Variants in TRAPPC9 observed in about 807,000 individuals in gnomAD.
TRAPPC9 encodes IKK2 binding protein.
A neutral mutation model predicts 124.0 loss-of-function variants in TRAPPC9; 83 were observed. The ratio of observed to expected loss-of-function variants is 0.67; its 90% CI spans 0.56 to 0.80. TRAPPC9 has a LOEUF of 0.80. Ranked by LOEUF, TRAPPC9 falls within the 30% of genes least tolerant of loss-of-function variation. The pLI is 0.00. For missense variants in TRAPPC9, 1,302 were observed against 1,508.3 expected, an observed-to-expected ratio of 0.86 and a Z score of 2.27; for synonymous variants, 638 against 617.5, an observed-to-expected ratio of 1.03 and a Z score of -0.49.
intron 19 of TRAPPC9, among the ~76,000 whole-genome samples, chr8:139,948,248 AAC>A (rs141771160): frequency 0.086 from 12,364 of 144,276 alleles, 512 homozygotes; most frequent in African/African-American, 0.091. Flanking sequence ...TGGTTCATAA[AAC>A]ACACACACAC....
chr8:140,128,639 G>A (rs2061141473), intron 17 of TRAPPC9, among the ~76,000 whole-genome samples: 1 of 152,236 alleles, frequency 6.6e-6, no homozygotes, highest in Non-Finnish European at 1.5e-5. Flanking sequence ...ATCCCGTGGG[G>A]TGGGGATTAT....
chr8:139,929,936 C>T (rs543143455), intron 19 of TRAPPC9, among the ~76,000 whole-genome samples: 16 of 152,248 alleles, frequency 1.1e-4, no homozygotes, highest in Non-Finnish European at 2.9e-5. Flanking sequence ...ATGGAGCAAG[C>T]ACCACCTTGT....
intron 21 of TRAPPC9, among the ~76,000 whole-genome samples, chr8:139,751,839 C>T (rs1819329290): frequency 1.3e-5 from 2 of 151,716 alleles, no homozygotes; most frequent in African/African-American, 2.4e-5. Flanking sequence ...TTATCATCCA[C>T]CTATCTATCC....
chr8:139,899,399 T>C (rs1266306593), intron 20 of TRAPPC9, among the ~76,000 whole-genome samples: 2 of 152,154 alleles, frequency 1.3e-5, no homozygotes, highest in African/African-American at 2.4e-5. Context: ...AAAGAAAATA[T>C]TAAGAAAATC....
At chr8:140,316,917 G>T (rs1216706135) in intron 9 of TRAPPC9, among the ~76,000 whole-genome samples, 2 of 152,164 alleles carry the variant, frequency 1.3e-5, no homozygotes, top group Non-Finnish European at 2.9e-5. Context: ...TGGTCGTTCA[G>T]ATTTTCTATT....
chr8:140,329,821 C>T (rs2131993184), intron 9 of TRAPPC9, among the ~76,000 whole-genome samples: 1 of 152,262 alleles, frequency 6.6e-6, no homozygotes, highest in East Asian at 1.9e-4. Context: ...TGGCTCACAC[C>T]TGTAATCATA....
At chr8:139,925,228 C>A (rs1832737792) in intron 19 of TRAPPC9, among the ~76,000 whole-genome samples, 1 of 152,188 alleles carries the variant, frequency 6.6e-6, no homozygotes, top group Admixed American at 6.5e-5. Flanking sequence ...AAAAAATGCC[C>A]TGTTACAGAG....
At chr8:139,752,821 TCCAC>T (rs1194777770) in intron 21 of TRAPPC9, among the ~76,000 whole-genome samples, 1 of 146,774 alleles carries the variant, frequency 6.8e-6, no homozygotes, top group Non-Finnish European at 1.5e-5. Context: ...CCACCATCCA[TCCAC>T]CATCTACCCA....
chr8:139,860,581 A>G (rs1828065702), intron 21 of TRAPPC9, among the ~76,000 whole-genome samples: 1 of 151,944 alleles, frequency 6.6e-6, no homozygotes, highest in Admixed American at 6.5e-5. Context: ...CCAGGCCTGG[A>G]GCTCAAGGCT....
intron 20 of TRAPPC9, among the ~76,000 whole-genome samples, chr8:139,908,311 C>T (rs1014622359): frequency 7.9e-5 from 12 of 152,208 alleles, no homozygotes; most frequent in Non-Finnish European, 2.9e-5. Context: ...TCAGACCCAT[C>T]CAGGACCGCC....
intron 17 of TRAPPC9, among the ~76,000 whole-genome samples, chr8:140,086,330 C>T (rs180914718): frequency 6.8e-4 from 104 of 152,258 alleles, no homozygotes; most frequent in Non-Finnish European, 1.1e-3. Context: ...CAAGAAGAGA[C>T]AGAAGAAGCG....
intron 19 of TRAPPC9, chr8:139,916,701 T>C (rs998881979): frequency 6.6e-6 from 1 of 152,234 alleles, no homozygotes; most frequent in Non-Finnish European, 1.5e-5. Context: ...GGTGCTGTGA[T>C]TTTTGAAGAG....
At chr8:140,214,262 T>C (rs575532046) in intron 17 of TRAPPC9, among the ~76,000 whole-genome samples, 5 of 152,240 alleles carry the variant, frequency 3.3e-5, no homozygotes, top group African/African-American at 1.2e-4. Flanking sequence ...ACTCAGAGGG[T>C]AGACACCAGC....
chr8:140,000,815 A>T (rs1838340436), intron 18 of TRAPPC9, among the ~76,000 whole-genome samples: 1 of 152,214 alleles, frequency 6.6e-6, no homozygotes, highest in Admixed American at 6.5e-5. Flanking sequence ...ATTGTGAAAG[A>T]CAGTGTGGCG....
At chr8:140,224,052 A>T (rs1246912858) in intron 16 of TRAPPC9, among the ~76,000 whole-genome samples, 1 of 152,242 alleles carries the variant, frequency 6.6e-6, no homozygotes, top group Non-Finnish European at 1.5e-5. Flanking sequence ...ACGTATGAAG[A>T]CTGTGATCAA....
intron 16 of TRAPPC9, among the ~76,000 whole-genome samples, chr8:140,224,971 A>T (rs546738934): frequency 6.6e-6 from 1 of 152,208 alleles, no homozygotes; most frequent in African/African-American, 2.4e-5. Context: ...GAACTTCATC[A>T]AGTCAAATAA....
At chr8:140,411,553 G>T (rs1350354694) in intron 5 of TRAPPC9, among the ~76,000 whole-genome samples, 3 of 152,144 alleles carry the variant, frequency 2.0e-5, no homozygotes, top group African/African-American at 7.2e-5. Context: ...TGTTGGCCAG[G>T]CTGGTCTTGA....
intron 18 of TRAPPC9, among the ~76,000 whole-genome samples, chr8:140,004,342 A>C (rs1038001077): frequency 2.0e-5 from 3 of 152,180 alleles, no homozygotes; most frequent in Non-Finnish European, 2.9e-5. Flanking sequence ...AGTTCATTTT[A>C]CTCTATGTTA....
At chr8:139,841,665 G>A (rs1826738044) in intron 21 of TRAPPC9, among the ~76,000 whole-genome samples, 1 of 152,236 alleles carries the variant, frequency 6.6e-6, no homozygotes. Flanking sequence ...GGATGCAGGA[G>A]CTCCTGGTGC....
Sources: allele counts gnomAD v4.1 joint callset (sites outside exome capture counted in the v4.1 genomes callset), GRCh38; gene constraint gnomAD v4.1.1; transcripts MANE v1.5; gene names NCBI Gene and HGNC (gene_info 2026-07-23, HGNC 2026-07-21).